Variants in CAMSAP1 observed in about 807,000 individuals in gnomAD.
CAMSAP1 encodes calmodulin-regulated spectrin-associated protein 1.
A neutral mutation model predicts 143.5 loss-of-function variants in CAMSAP1; 58 were observed. The observed-to-expected ratio is 0.40, with a 90% confidence interval of 0.33 to 0.50. The LOEUF is 0.50. CAMSAP1 is among the 20% of genes least tolerant of loss of function. The pLI, the probability that CAMSAP1 is intolerant of heterozygous loss-of-function variation, is 0.45. For synonymous variants in CAMSAP1, 945 were observed against 859.3 expected, an observed-to-expected ratio of 1.10 and a Z score of -1.74; for missense variants, 1,969 against 2,115.7, an observed-to-expected ratio of 0.93 and a Z score of 1.36.
At chr9:135,829,566 T>C (rs565640240) in intron 7 of CAMSAP1, among the ~76,000 whole-genome samples, 1 of 148,024 alleles carries the variant, frequency 6.8e-6, no homozygotes, top group East Asian at 2.1e-4. Context: ...AAAATAACAA[T>C]AAATTGGCCA....
chr9:135,853,187 G>A (rs749304833), intron 5 of CAMSAP1, among the ~76,000 whole-genome samples: 10 of 151,790 alleles, frequency 6.6e-5, no homozygotes, highest in Non-Finnish European at 1.3e-4. Context: ...ACACCGCAAG[G>A]AAACTCCAGA....
chr9:135,904,964 C>CAAAA (rs1299738351), intron 1 of CAMSAP1, among the ~76,000 whole-genome samples: 3 of 107,860 alleles, frequency 2.8e-5, no homozygotes, highest in Admixed American at 9.9e-5. Flanking sequence ...GACTCCGTCT[C>CAAAA]AAAAAAAAAA....
chr9:135,902,846 G>A (rs1366523059), intron 1 of CAMSAP1, among the ~76,000 whole-genome samples: 2 of 152,172 alleles, frequency 1.3e-5, no homozygotes, highest in Non-Finnish European at 2.9e-5. Flanking sequence ...AGGGCCACGT[G>A]CTGTCAGTAA....
chr9:135,860,597 C>CAAAA (rs35415924), intron 5 of CAMSAP1, among the ~76,000 whole-genome samples: 10 of 62,040 alleles, frequency 1.6e-4, no homozygotes, highest in African/African-American at 3.8e-4. Context: ...GACTCTGCCT[C>CAAAA]AAAAAAAAAA....
rs761429818 is a variant in CAMSAP1 at position 135,818,660 on chromosome 9, C to CT, written c.3960-45dup. ...CAGACACTGCTCGGTCACGGGGCTT[C>CT]TTCCACGACGCCTGCGCCGCGGCGC... On this transcript the variant is annotated intron_variant, in intron 12 of 16. Coordinates refer to ENST00000389532, the MANE Select transcript of CAMSAP1 (RefSeq NM_015447.4). The surrounding 1 kb of genome is among the most constrained non-coding windows in gnomAD (Gnocchi z 7.7). 3.9e-5 allele frequency: 62 copies of CT among 1,595,966 alleles called. No individual in the cohort carries two copies. The Admixed American group carries it at 4.2e-4, about 11-fold the overall frequency.
chr9:135,887,504 C>T (rs182100819), intron 1 of CAMSAP1, among the ~76,000 whole-genome samples: 135 of 152,146 alleles, frequency 8.9e-4, no homozygotes, highest in Non-Finnish European at 1.5e-3. Flanking sequence ...GAAACGGTGA[C>T]GAAAGAAAAC....
rs528659644 is a variant in CAMSAP1 at position 135,906,957 on chromosome 9, C to G, written c.160+43G>C. On this transcript the variant is annotated intron_variant, in intron 1 of 16. Coordinates refer to ENST00000389532, the MANE Select transcript of CAMSAP1 (RefSeq NM_015447.4). ...CCCCGGCCGCGTCCCCCGGCCCCGGCCCGCGCCCCTGGCCCCCGCCCCGCG... is the reference window on the plus strand; with the variant it reads ...CCCCGGCCGCGTCCCCCGGCCCCGGGCCGCGCCCCTGGCCCCCGCCCCGCG... The G allele has an allele frequency of 2.0e-4, 202 of 995,430 alleles. 1 individual carries two copies. The African/African-American group carries it at 2.7e-3, about 13-fold the overall frequency. 61.7% of individuals were successfully genotyped at this position (995,430 alleles called of 1,614,324 possible). A position where few individuals can be genotyped will look rare whatever the true frequency, so the allele number is the denominator to read the frequency against.
chr9:135,869,082 T>G (rs1253570448), intron 3 of CAMSAP1, among the ~76,000 whole-genome samples: 2 of 152,142 alleles, frequency 1.3e-5, no homozygotes, highest in South Asian at 2.1e-4. Flanking sequence ...GAACTAGAAA[T>G]GGTTACTATA....
At chr9:135,855,585 T>TA (rs1210159564) in intron 5 of CAMSAP1, among the ~76,000 whole-genome samples, 2 of 147,664 alleles carry the variant, frequency 1.4e-5, no homozygotes, top group African/African-American at 2.5e-5. Context: ...CTAAAAATAT[T>TA]AAAAAATTGG....
At chr9:135,827,309 C>T in intron 8 of CAMSAP1, 98 bp downstream of exon 8, 2 of 1,215,868 alleles carry the variant, frequency 1.6e-6, no homozygotes, top group Non-Finnish European at 1.1e-6. Flanking sequence ...ATACAAATTG[C>T]TTATTTTAAA....
intron 7 of CAMSAP1, among the ~76,000 whole-genome samples, chr9:135,844,891 G>A (rs1001013415): frequency 3.9e-5 from 6 of 151,986 alleles, no homozygotes; most frequent in African/African-American, 1.5e-4. Context: ...CCTCCCAACC[G>A]AAAAAAGCCC....
chr9:135,880,337 C>T (rs1402510806), intron 3 of CAMSAP1, among the ~76,000 whole-genome samples: 4 of 152,086 alleles, frequency 2.6e-5, no homozygotes, highest in African/African-American at 9.7e-5. Context: ...CACCAAGAGG[C>T]GTCCTCATGG....
intron 3 of CAMSAP1, among the ~76,000 whole-genome samples, chr9:135,879,084 G>T (rs1296820397): frequency 1.3e-5 from 2 of 152,124 alleles, no homozygotes; most frequent in African/African-American, 2.4e-5. Flanking sequence ...CAACCGCAGG[G>T]GAATGAGGAG....
intron 1 of CAMSAP1, among the ~76,000 whole-genome samples, chr9:135,900,670 G>A (rs1838588112): frequency 6.6e-6 from 1 of 151,852 alleles, no homozygotes; most frequent in African/African-American, 2.4e-5. Flanking sequence ...ACTCCAGCCT[G>A]GGCGACAGAG....
rs1419090720 is a variant in CAMSAP1, at chr9:135,836,259, T to C, written c.1046-8675A>G. The C allele has an allele frequency of 3.0e-6, 3 of 983,642 alleles. No individual in the cohort carries two copies. The African/African-American group carries it at 5.3e-5, about 17-fold the overall frequency. The allele number at this position is 983,642 out of a possible 1,614,324, so 60.9% of individuals were successfully genotyped here. On this transcript the variant is annotated intron_variant, in intron 7 of 16. Coordinates refer to ENST00000389532, the MANE Select transcript of CAMSAP1 (RefSeq NM_015447.4). ...CTACAGAAACACGTCACCACCTACC[T>C]TTACCCATTCCGCAGCCACACATCA...
chr9:135,858,053 C>T (rs2130922506), intron 5 of CAMSAP1, among the ~76,000 whole-genome samples: 1 of 152,190 alleles, frequency 6.6e-6, no homozygotes, highest in Middle Eastern at 3.4e-3. Context: ...TCAGGCACTG[C>T]TGTCCACCAG....
At chr9:135,875,780 T>G (rs188136518) in intron 3 of CAMSAP1, among the ~76,000 whole-genome samples, 83 of 152,188 alleles carry the variant, frequency 5.5e-4, no homozygotes, top group Middle Eastern at 3.4e-3. Flanking sequence ...TTCATAAAAA[T>G]GAACTCAAAG....
intron 1 of CAMSAP1, among the ~76,000 whole-genome samples, chr9:135,892,864 A>AAAAAAAAAAAAAAAAAAAAAAAC (rs1838329149): frequency 6.9e-6 from 1 of 144,192 alleles, no homozygotes; most frequent in African/African-American, 2.6e-5. Context: ...AAAAAAAAAA[A>AAAAAAAAAAAAAAAAAAAAAAAC]AAAGAACTAA....
chr9:135,822,694 G>A lies in CAMSAP1; in HGVS notation c.1967C>T (p.Ser656Leu), dbSNP rs1419903826. The A allele has an allele frequency of 3.1e-6, 5 of 1,610,302 alleles. No homozygotes were observed. The highest frequency in any genetic ancestry group is 4.5e-5 in the East Asian group (2 of 44,792). Residue 656 changes from serine to leucine, a missense_variant, in exon 11 of 17, where the codon TCA (serine) becomes TTA (leucine). Physicochemically the swap from Ser to Leu is moderately radical, Grantham distance 145 (BLOSUM62 -2). Transcript: ENST00000389532. The surrounding 1 kb of genome is among the most constrained non-coding windows in gnomAD (Gnocchi z 6.1). ...LNRTFTPIPC[S>L]EFPMGIDPTE... ...GGGGTCGATGCCCATGGGGAATTCTGAGCATGGAATCGGGGTAAAAGTCCT... is the reference window on the plus strand; with the variant it reads ...GGGGTCGATGCCCATGGGGAATTCTAAGCATGGAATCGGGGTAAAAGTCCT...
Sources: gnomAD v4.1 joint callset for allele counts (sites outside exome capture counted in the v4.1 genomes callset) on GRCh38, gnomAD v4.1.1 for gene constraint, Gnocchi (gnomAD v3.1) non-coding constraint, MANE v1.5 for transcripts, NCBI Gene and HGNC (gene_info 2026-07-23, HGNC 2026-07-21) for gene names.